PLXND1: variants seen among roughly 807,000 people sequenced by gnomAD.
The protein encoded by PLXND1 is plexin D1, also known as plexin-D1.
Under a neutral mutation model 197.7 loss-of-function variants are expected in PLXND1, and 54 were observed. That is an observed-to-expected ratio of 0.27 (90% CI 0.22 to 0.34). The LOEUF (loss-of-function observed/expected upper bound fraction) is 0.34, where lower values mean the gene tolerates loss of function less well. Ranked by LOEUF, PLXND1 falls within the 10% of genes least tolerant of loss-of-function variation. The probability of loss-of-function intolerance (pLI) is 1.00; values close to 1 mark genes in which losing one functional copy is unlikely to be tolerated. For synonymous variants in PLXND1, 1,180 were observed against 1,161.2 expected (o/e 1.02, Z -0.33); for missense variants, 2,127 against 2,699.2 (o/e 0.79, Z 4.70).
chr3:129,596,554 C>G (rs1205261463), intron 1 of PLXND1, among the ~76,000 whole-genome samples: 3 of 152,160 alleles, frequency 2.0e-5, no homozygotes, highest in Non-Finnish European at 4.4e-5. Flanking sequence ...TCCCTCCCCC[C>G]AGCAGGAGGG....
chr3:129,566,456 G>C, intron 23 of PLXND1, 71 bp downstream of exon 23: 1 of 913,132 alleles, frequency 1.1e-6, no homozygotes, highest in Non-Finnish European at 1.8e-6. Flanking sequence ...TAGATGAACT[G>C]GAAAGGGGAC....
chr3:129,604,349 G>A (rs922107074), intron 1 of PLXND1, among the ~76,000 whole-genome samples: 3 of 152,220 alleles, frequency 2.0e-5, no homozygotes, highest in Non-Finnish European at 4.4e-5. Context: ...AGCAAAGGCT[G>A]GGCATTAAAA....
chr3:129,566,833 A>C (rs1364563126), intron 22 of PLXND1, among the ~76,000 whole-genome samples: 1 of 152,232 alleles, frequency 6.6e-6, no homozygotes, highest in Non-Finnish European at 1.5e-5. Context: ...AGACAGCACA[A>C]GACTTAAGGG....
At chr3:129,566,066 G>A (rs764392169) in intron 23 of PLXND1, 49 bp from the exon 24 acceptor site, 7 of 1,606,176 alleles carry the variant, frequency 4.4e-6, no homozygotes, top group Non-Finnish European at 5.1e-6. Flanking sequence ...CAGTGTCCCT[G>A]CCTAGCCTAA....
Position 129,606,628 on chromosome 3 carries a change from G to A in PLXND1, c.12C>T (p.Arg4=), listed in dbSNP as rs1267452090. 1 of 1,120,692 alleles carries A rather than the reference G, an allele frequency of 8.9e-7. No individual in the cohort carries two copies. The highest frequency in any genetic ancestry group is 5.0e-5 in the Admixed American group (1 of 19,940). 69.4% of individuals were successfully genotyped at this position (1,120,692 alleles called of 1,614,324 possible). A position where few individuals can be genotyped will look rare whatever the true frequency, so the allele number is the denominator to read the frequency against. The part of the protein sequence containing the change: MAP[R]AAGGAPLSAR... ...CGCTAAGGGGTGCGCCGCCCGCGGC[G>A]CGAGGAGCCATCCGGGCGTGCGCGG... The change falls in exon 1 of 36, where the codon CGC becomes CGT. Residue 4 remains arginine (R), a synonymous_variant. Coordinates refer to ENST00000324093, the MANE Select transcript of PLXND1 (RefSeq NM_015103.3).
intron 1 of PLXND1, among the ~76,000 whole-genome samples, chr3:129,594,143 G>A (rs1344780539): frequency 3.3e-5 from 5 of 152,348 alleles, no homozygotes; most frequent in African/African-American, 7.2e-5. Context: ...CAGCGGTTCC[G>A]TCACAGGTAC....
rs750340074 is a variant in PLXND1 at position 129,557,098 on chromosome 3, C to T, written c.5571G>A (p.Leu1857=). ...GCCACCGCACCCTCGACTCCTCGGC[C>T]AGATGGGCATTCATCTCTTGCTCGC... ...PLSEQEMNAH[L]AEESRKYQNE... is the part of the protein sequence containing the mutation. Residue 1857 remains leucine (L), a synonymous_variant, in exon 34 of 36, where the codon CTG becomes CTA. Coordinates refer to ENST00000324093, the MANE Select transcript of PLXND1 (RefSeq NM_015103.3). This position sits in a 1 kb window ranked among gnomAD's most constrained non-coding sequence, Gnocchi z 4.8. 11 of 1,614,056 alleles carry T rather than the reference C, an allele frequency of 6.8e-6. No individual in the cohort carries two copies. In the East Asian group the frequency reaches 8.9e-5, roughly 13 times the overall value.
intron 2 of PLXND1, among the ~76,000 whole-genome samples, chr3:129,586,978 A>T (rs945376996): frequency 6.6e-6 from 1 of 152,166 alleles, no homozygotes; most frequent in Admixed American, 6.5e-5. Context: ...CAGGCTTTGT[A>T]GTTTACGAAA....
chr3:129,559,522 G>T, intron 32 of PLXND1, 98 bp downstream of exon 32: 1 of 933,466 alleles, frequency 1.1e-6, no homozygotes, highest in Non-Finnish European at 1.6e-6. Flanking sequence ...AGGAGGGCTT[G>T]ACCCCAAGCA....
intron 1 of PLXND1, among the ~76,000 whole-genome samples, chr3:129,594,500 A>G (rs916190724): frequency 6.6e-6 from 1 of 152,136 alleles, no homozygotes; most frequent in Non-Finnish European, 1.5e-5. Flanking sequence ...AAATAAAAAA[A>G]CTGCAAGGTG....
At chr3:129,560,588 C>G in intron 30 of PLXND1, 101 bp downstream of exon 30, 1 of 1,033,636 alleles carries the variant, frequency 9.7e-7, no homozygotes, top group Non-Finnish European at 1.5e-6. Context: ...CAGCCTTTCG[C>G]AGGGCTGGGA....
intron 22 of PLXND1, 86 bp downstream of exon 22, chr3:129,567,406 A>T: frequency 1.3e-6 from 1 of 782,206 alleles, no homozygotes. Context: ...TGCTCAAGGG[A>T]CCCTATAGGC....
chr3:129,602,095 C>T (rs577822106), intron 1 of PLXND1, among the ~76,000 whole-genome samples: 3 of 152,316 alleles, frequency 2.0e-5, no homozygotes, highest in South Asian at 2.1e-4. Flanking sequence ...TGCAAACAGG[C>T]GCCAGGTACA....
At chr3:129,573,824 C>T in intron 12 of PLXND1, 79 bp from the exon 13 acceptor site, 1 of 1,499,802 alleles carries the variant, frequency 6.7e-7, no homozygotes, top group Middle Eastern at 2.4e-4. Context: ...TCACAGGCAC[C>T]CAGCAGGGCA....
rs371911654 is a variant in PLXND1, at chr3:129,571,743, T to G, written c.3179A>C (p.Asn1060Thr). ...GTTCTGCATGTACCAGAAGGTGAGG[T>G]TGCCGTGCACGCAGCCCCGACGCTC... ...RFERRGCVHG[N>T]LTFWYMQNPV... Residue 1060 changes from asparagine (N) to threonine (T), a missense_variant, in exon 16 of 36, where the codon AAC (asparagine) becomes ACC (threonine). This residue lies in a region of PLXND1 where 1,095 missense variants were observed against 1,259.8 expected (regional missense o/e 0.87). Coordinates refer to ENST00000324093, the MANE Select transcript of PLXND1 (RefSeq NM_015103.3). 1.9e-6 allele frequency: 3 copies of G among 1,613,396 alleles called. No homozygotes were observed. The highest frequency in any genetic ancestry group is 1.3e-5 in the African/African-American group (1 of 74,992).
At chr3:129,604,825 A>G (rs1397826992) in intron 1 of PLXND1, among the ~76,000 whole-genome samples, 2 of 152,194 alleles carry the variant, frequency 1.3e-5, no homozygotes, top group African/African-American at 2.4e-5. Context: ...CTGGCACACA[A>G]GTCCATGCAG....
intron 30 of PLXND1, 51 bp from the exon 31 acceptor site, chr3:129,560,485 G>A (rs763103723): frequency 2.3e-6 from 3 of 1,290,376 alleles, no homozygotes; most frequent in East Asian, 4.7e-5. Flanking sequence ...ATCCTCGGCC[G>A]CCTGTGGGAG....
intron 24 of PLXND1, 102 bp downstream of exon 24, chr3:129,565,783 TGG>T: frequency 8.0e-7 from 1 of 1,248,228 alleles, no homozygotes; most frequent in Non-Finnish European, 1.1e-6. Context: ...GGCTGGAATA[TGG>T]GGGTGTCAAG....
At chr3:129,578,308 G>A (rs749841837) in intron 9 of PLXND1, 21 bp downstream of exon 9, 54 of 1,506,666 alleles carry the variant, frequency 3.6e-5, no homozygotes, top group East Asian at 1.8e-4. Flanking sequence ...CCCACCCGGC[G>A]CTGGCCTGGC....
Sources: gnomAD v4.1 joint callset for allele counts (sites outside exome capture counted in the v4.1 genomes callset) on GRCh38, gnomAD v4.1.1 for gene constraint, gnomAD v4.1.1 regional missense constraint, Gnocchi (gnomAD v3.1) non-coding constraint, MANE v1.5 for transcripts, NCBI Gene and HGNC (gene_info 2026-07-23, HGNC 2026-07-21) for gene names.